DPY19L3: variants seen among roughly 807,000 people sequenced by gnomAD.
The protein encoded by DPY19L3 is dpy-19 like C-mannosyltransferase 3.
A neutral mutation model predicts 92.3 loss-of-function variants in DPY19L3; 51 were observed. That is an observed-to-expected ratio of 0.55 (90% CI 0.44 to 0.70). The LOEUF (loss-of-function observed/expected upper bound fraction) is 0.70, where lower values mean the gene tolerates loss of function less well. Among genes scored for constraint, DPY19L3 ranks in the 30% least tolerant of loss-of-function variants. The pLI is 0.00. For missense variants in DPY19L3, 706 were observed against 855.9 expected, an observed-to-expected ratio of 0.82 and a Z score of 2.18; for synonymous variants, 309 against 315.2, an observed-to-expected ratio of 0.98 and a Z score of 0.21.
intron 8 of DPY19L3, among the ~76,000 whole-genome samples, chr19:32,452,154 T>C (rs1350270359): frequency 1.3e-5 from 2 of 152,236 alleles, no homozygotes; most frequent in Non-Finnish European, 2.9e-5. Flanking sequence ...TTACCATGTC[T>C]GGTTCTTCTG....
rs1481765338 is a variant in DPY19L3, at chr19:32,484,088, T to G, written c.*1848T>G. On this transcript the variant is annotated 3_prime_UTR_variant, in exon 19 of 19. Transcript: ENST00000392250. ...ATACAAGAAACACGTACTTAAATTT[T>G]TATGCTTATCACCGCAATGATGGCA... The G allele has an allele frequency of 6.6e-6, 1 of 152,544 alleles. No individual in the cohort carries two copies. The highest frequency in any genetic ancestry group is 1.5e-5 in the Non-Finnish European group (1 of 68,020). The allele number at this position is 152,544 out of a possible 1,614,324, so 9.4% of individuals were successfully genotyped here. A position where few individuals can be genotyped will look rare whatever the true frequency, so the allele number is the denominator to read the frequency against.
chr19:32,425,007 TA>T (rs775653314), intron 3 of DPY19L3, among the ~76,000 whole-genome samples: 48 of 152,302 alleles, frequency 3.2e-4, no homozygotes, highest in Middle Eastern at 3.4e-3. Context: ...AAATGGTCTA[TA>T]AACAAATGGA....
chr19:32,455,090 C>T (rs776897629), intron 10 of DPY19L3, 50 bp downstream of exon 10: 1 of 1,170,100 alleles, frequency 8.5e-7, no homozygotes, highest in East Asian at 2.6e-5. Context: ...TAACTTATGG[C>T]ATTGGAGATA....
Position 32,468,804 on chromosome 19 carries a change from A to G in DPY19L3, c.1688A>G (p.Asn563Ser). 2 of 1,613,616 alleles carry G rather than the reference A, an allele frequency of 1.2e-6. No individual in the cohort carries two copies. Among genetic ancestry groups the G allele is most frequent in the Non-Finnish European group, 1.7e-6 (2 of 1,179,734 alleles). The change falls in exon 16 of 19, where the codon AAC becomes AGC. Residue 563 changes from asparagine to serine, a missense_variant. Transcript: ENST00000392250. ...GATCCAGATACAGTGGAGCTGATGA[A>G]CTGGATTAAGTAAGAGGATTTTTTT... ...FYDPDTVELM[N>S]WINSNTPRKA... is the part of the protein sequence containing the mutation.
intron 14 of DPY19L3, among the ~76,000 whole-genome samples, chr19:32,464,227 G>A (rs1481498945): frequency 2.0e-5 from 3 of 151,918 alleles, no homozygotes; most frequent in Admixed American, 6.6e-5. Flanking sequence ...ACAAAAAAAA[G>A]CACAAAAGGG....
At chr19:32,468,209 G>A in intron 15 of DPY19L3, 1 of 910,362 alleles carries the variant, frequency 1.1e-6, no homozygotes, top group Non-Finnish European at 1.3e-6. Context: ...ATCCCAGTGG[G>A]TGATGCTGCC....
intron 10 of DPY19L3, 65 bp from the exon 11 acceptor site, chr19:32,458,035 G>A (rs1969921042): frequency 8.1e-7 from 1 of 1,237,208 alleles, no homozygotes; most frequent in South Asian, 1.3e-5. Flanking sequence ...AAATTCAATG[G>A]GAAGTTATCA....
chr19:32,439,344 A>G (rs1969251424), intron 7 of DPY19L3, 109 bp downstream of exon 7: 1 of 1,166,266 alleles, frequency 8.6e-7, no homozygotes, highest in African/African-American at 1.5e-5. Context: ...TTCTTATTCC[A>G]TGACCAATTT....
chr19:32,478,020 C>T (rs964643903), intron 17 of DPY19L3, among the ~76,000 whole-genome samples: 6 of 152,124 alleles, frequency 3.9e-5, no homozygotes, highest in South Asian at 2.1e-4. Flanking sequence ...GAGAACAGCA[C>T]GGGAAAGACT....
chr19:32,406,465 T>C (rs1180147334), intron 1 of DPY19L3, among the ~76,000 whole-genome samples: 2 of 152,046 alleles, frequency 1.3e-5, no homozygotes, highest in Non-Finnish European at 2.9e-5. Flanking sequence ...GCTCAAGCGA[T>C]TCTCCCACCT....
At chr19:32,451,597 G>A (rs188095873) in intron 8 of DPY19L3, among the ~76,000 whole-genome samples, 120 of 152,238 alleles carry the variant, frequency 7.9e-4, no homozygotes, top group African/African-American at 2.7e-3. Flanking sequence ...TAAATAAAAC[G>A]TATTTTTCAC....
intron 3 of DPY19L3, among the ~76,000 whole-genome samples, chr19:32,424,692 C>T (rs1347855083): frequency 6.6e-6 from 1 of 152,164 alleles, no homozygotes; most frequent in Non-Finnish European, 1.5e-5. Context: ...TGATCCCTCT[C>T]AGAATCCCAG....
Position 32,428,338 on chromosome 19 carries a change from A to T in DPY19L3, c.238-4378A>T, listed in dbSNP as rs544850296. Among the ~76,000 whole-genome samples the T allele has an allele frequency of 3.5e-3, 528 of 151,394 alleles. 5 individuals carry two copies. The highest frequency in any genetic ancestry group is 0.011 in the African/African-American group (450 of 41,280). On this transcript the variant is annotated intron_variant, in intron 3 of 18. Transcript: ENST00000392250. ...AAACATGAGTTGTTTTGTTTTTTTT[A>T]AAAAAAAGCAAGAGGAGAAAGACTT...
rs956775509 is a variant in DPY19L3, at chr19:32,426,545, G to C, written c.238-6171G>C. On this transcript the variant is annotated intron_variant, in intron 3 of 18. Transcript: ENST00000392250. ...CCACACTTCCTTTCGACGCTTAGAGGCTATTGTAAAGTTATTAATTCCGAT... is the reference window on the plus strand; with the variant it reads ...CCACACTTCCTTTCGACGCTTAGAGCCTATTGTAAAGTTATTAATTCCGAT... 9.2e-5 allele frequency among the ~76,000 whole-genome samples: 14 copies of C among 152,244 alleles called. No individual in the cohort carries two copies. The East Asian group carries it at 2.5e-3, about 27-fold the overall frequency.
At chr19:32,411,114 G>C in intron 2 of DPY19L3, 125 bp from the exon 3 acceptor site, 1 of 959,040 alleles carries the variant, frequency 1.0e-6, no homozygotes, top group South Asian at 1.7e-5. Flanking sequence ...CCCTCCGCTG[G>C]AGACAGGAAA....
intron 10 of DPY19L3, 151 bp from the exon 11 acceptor site, chr19:32,457,949 A>G (rs1355963362): frequency 6.9e-6 from 4 of 581,142 alleles, no homozygotes; most frequent in Non-Finnish European, 9.1e-6. Flanking sequence ...GGAATTCCTC[A>G]GTTCTGAGAA....
rs185288999 is a variant in DPY19L3, at chr19:32,461,291, A to G, written c.1323-2075A>G. Among the ~76,000 whole-genome samples the G allele has an allele frequency of 6.3e-3, 966 of 152,202 alleles. 7 individuals are homozygous for G. Among genetic ancestry groups the G allele is most frequent in the Admixed American group, 0.021 (314 of 15,284 alleles). ...CAGGCATGAGCCACTGCACCCTGCC[A>G]GATACTATGACTTTTATGTAGACAT... On this transcript the variant is annotated intron_variant, in intron 12 of 18. Transcript: ENST00000392250.
chr19:32,464,143 ATAATT>A (rs540782379), intron 14 of DPY19L3, among the ~76,000 whole-genome samples, 163 bp downstream of exon 14: 250 of 152,192 alleles, frequency 1.6e-3, no homozygotes, highest in African/African-American at 5.6e-3. Flanking sequence ...TTATTTTAAA[ATAATT>A]TTATTTTAAA....
rs574759737 is a variant in DPY19L3, at chr19:32,436,290, C to T, written c.329-156C>T. 7.2e-5 allele frequency among the ~76,000 whole-genome samples: 11 copies of T among 152,260 alleles called. 1 individual carries two copies. The South Asian group carries it at 1.9e-3, about 26-fold the overall frequency. On this transcript the variant is annotated intron_variant, in intron 4 of 18. Coordinates refer to ENST00000392250, the MANE Select transcript of DPY19L3 (RefSeq NM_001172774.2). ...TGATGTCCATCGAATATGTGGTAAG[C>T]TCTTTGAGGGCAGGAGTATGTTTTT...
Sources: gnomAD v4.1 joint callset for allele counts (sites outside exome capture counted in the v4.1 genomes callset) on GRCh38, gnomAD v4.1.1 for gene constraint, MANE v1.5 for transcripts, NCBI Gene and HGNC (gene_info 2026-07-23, HGNC 2026-07-21) for gene names.